BMPR2: variants seen among roughly 807,000 people sequenced by gnomAD.
The protein encoded by BMPR2 is bone morphogenetic protein receptor type 2.
BMPR2 carries 29 observed loss-of-function variants against 100.8 expected under a neutral mutation model. The observed-to-expected ratio is 0.29, with a 90% CI of 0.21 to 0.39. The LOEUF is 0.39. Among genes scored for constraint, BMPR2 ranks in the 10% least tolerant of loss-of-function variants. BMPR2 has a pLI of 1.00. For synonymous variants in BMPR2, 382 were observed against 442.3 expected (o/e 0.86, Z 1.71); for missense variants, 1,011 against 1,274.5 (o/e 0.79, Z 3.15).
At chr2:202,550,195 C>T (rs534081519) in intron 10 of BMPR2, among the ~76,000 whole-genome samples, 22 of 152,056 alleles carry the variant, frequency 1.4e-4, no homozygotes, top group African/African-American at 5.1e-4. Flanking sequence ...TGGTGAAACC[C>T]CATCTCTACT....
intron 10 of BMPR2, among the ~76,000 whole-genome samples, chr2:202,545,895 G>C (rs533271232): frequency 1.3e-5 from 2 of 152,274 alleles, no homozygotes; most frequent in South Asian, 4.1e-4. Flanking sequence ...ATTAATTAGA[G>C]GTGCCAGCCT....
chr2:202,527,381 G>A (rs1254810053), intron 7 of BMPR2, among the ~76,000 whole-genome samples: 1 of 151,834 alleles, frequency 6.6e-6, no homozygotes, highest in East Asian at 2.0e-4. Context: ...CCAGCTACTC[G>A]GTAGGCTGAG....
At chr2:202,377,986 C>T (rs1021594342) in intron 1 of BMPR2, among the ~76,000 whole-genome samples, 1 of 152,198 alleles carries the variant, frequency 6.6e-6, no homozygotes, top group Non-Finnish European at 1.5e-5. Flanking sequence ...AGAGAACACA[C>T]ACTTGAACCT....
In BMPR2 at chr2:202,376,639, C is replaced by A. The variant is rs1690152055; in HGVS notation, c.-836C>A. Among the ~76,000 whole-genome samples the A allele has an allele frequency of 2.7e-5, 4 of 145,806 alleles. No individual in the cohort carries two copies. The South Asian group carries it at 1.0e-3, about 37-fold the overall frequency. On this transcript the variant is annotated 5_prime_UTR_variant, in exon 1 of 13. Coordinates refer to ENST00000374580, the MANE Select transcript of BMPR2 (RefSeq NM_001204.7). Reference sequence around the variant, plus strand: ...CTTTCTTGGTGGAATTTACCTCAGGCAAGATCGAGCCGCAGGAATAAAAAG... The same window carrying A: ...CTTTCTTGGTGGAATTTACCTCAGGAAAGATCGAGCCGCAGGAATAAAAAG...
rs777251043 is a variant in BMPR2, at chr2:202,414,084, ACT to A, written c.76+36537_76+36538del. On this transcript the variant is annotated intron_variant, in intron 1 of 12. Transcript: ENST00000374580. ...TTGAACAAATTGAGGGTTTGGGGTAACTCTGCATCAAGCAAGTCACTCAACAC... is the reference window on the plus strand; with the variant it reads ...TTGAACAAATTGAGGGTTTGGGGTAACTGCATCAAGCAAGTCACTCAACAC... Among the ~76,000 whole-genome samples, 8 of 152,296 alleles carry A rather than the reference ACT, an allele frequency of 5.3e-5. No individual in the cohort carries two copies. In the South Asian group the frequency reaches 1.2e-3, roughly 24 times the overall value.
intron 9 of BMPR2, among the ~76,000 whole-genome samples, chr2:202,534,994 G>GGCCGGGCGGGTGGCTGACCCCC (rs1297426928): frequency 0.18 from 2,513 of 14,214 alleles, 1,044 homozygotes; most frequent in East Asian, 0.39. Context: ...CTGACCCCCT[G>GGCCGGGCGGGTGGCTGACCCCC]CCACCTCCCT....
intron 1 of BMPR2, among the ~76,000 whole-genome samples, chr2:202,378,611 CTTT>C: frequency 6.6e-6 from 1 of 152,130 alleles, no homozygotes; most frequent in South Asian, 2.1e-4. Context: ...TTGAAGTTTC[CTTT>C]TATGCTTTTG....
intron 1 of BMPR2, among the ~76,000 whole-genome samples, chr2:202,442,867 C>G (rs1233582146): frequency 6.6e-6 from 1 of 150,496 alleles, no homozygotes; most frequent in Non-Finnish European, 1.5e-5. Context: ...AAGTTGCTTC[C>G]ACCTCTTGCC....
intron 1 of BMPR2, among the ~76,000 whole-genome samples, chr2:202,456,156 G>GT (rs376530955): frequency 8.4e-4 from 116 of 138,684 alleles, no homozygotes; most frequent in African/African-American, 2.7e-3. Context: ...AGGACACTAT[G>GT]TTTTTTTGTT....
chr2:202,402,431 C>T (rs955942438), intron 1 of BMPR2, among the ~76,000 whole-genome samples: 2 of 152,006 alleles, frequency 1.3e-5, no homozygotes, highest in Non-Finnish European at 2.9e-5. Context: ...GCAGGAGAAT[C>T]GCTTGAACCC....
rs562474572 is a variant in BMPR2, at chr2:202,433,780, C to T, written c.77-31029C>T. Among the ~76,000 whole-genome samples, 12 of 150,362 alleles carry T rather than the reference C, an allele frequency of 8.0e-5. No individual in the cohort carries two copies. The East Asian group carries it at 1.5e-3, about 19-fold the overall frequency. ...AAAATTAGCTGGGTGTGGTGGCGTG[C>T]GCCTGTAGTCCCAGCTGCTCGGGAG... On this transcript the variant is annotated intron_variant, in intron 1 of 12. Coordinates refer to ENST00000374580, the MANE Select transcript of BMPR2 (RefSeq NM_001204.7).
intron 1 of BMPR2, among the ~76,000 whole-genome samples, chr2:202,377,803 T>C (rs928116357): frequency 2.0e-5 from 3 of 152,358 alleles, no homozygotes; most frequent in South Asian, 4.2e-4. Flanking sequence ...AAAAGACATA[T>C]TGGGTGTGGT....
intron 3 of BMPR2, among the ~76,000 whole-genome samples, chr2:202,481,700 A>G (rs193242826): frequency 1.3e-5 from 2 of 152,240 alleles, no homozygotes; most frequent in East Asian, 3.9e-4. Context: ...TTTATAGTTT[A>G]CTCAGTGTAC....
chr2:202,433,701 A>G (rs1429701871), intron 1 of BMPR2, among the ~76,000 whole-genome samples: 1 of 150,398 alleles, frequency 6.6e-6, no homozygotes. Flanking sequence ...CGAGGTCAAG[A>G]GATCAAGACC....
chr2:202,533,581 T>C (rs1688068140), intron 9 of BMPR2, among the ~76,000 whole-genome samples: 1 of 151,312 alleles, frequency 6.6e-6, no homozygotes, highest in Non-Finnish European at 1.5e-5. Context: ...TCCCAGCACT[T>C]TGGGAGGCCA....
At chr2:202,491,366 T>A (rs952874650) in intron 3 of BMPR2, among the ~76,000 whole-genome samples, 31 of 152,230 alleles carry the variant, frequency 2.0e-4, no homozygotes, top group African/African-American at 7.2e-4. Context: ...CCACCCTACC[T>A]CTTTATTCCC....
rs566256144 is a variant in BMPR2, at chr2:202,445,975, C to T, written c.77-18834C>T. Among the ~76,000 whole-genome samples the T allele has an allele frequency of 2.7e-3, 398 of 149,844 alleles. 3 individuals are homozygous for T. The highest frequency in any genetic ancestry group is 4.5e-3 in the Non-Finnish European group (305 of 67,954). On this transcript the variant is annotated intron_variant, in intron 1 of 12. Coordinates refer to ENST00000374580, the MANE Select transcript of BMPR2 (RefSeq NM_001204.7). ...ATTTTTAGTAGAGATGGGGTTTCACCGTGTTAGCCAGGATGGTCTTGATCT... is the reference window on the plus strand; with the variant it reads ...ATTTTTAGTAGAGATGGGGTTTCACTGTGTTAGCCAGGATGGTCTTGATCT...
intron 1 of BMPR2, among the ~76,000 whole-genome samples, chr2:202,405,709 AAAGC>A (rs1241631189): frequency 2.0e-5 from 3 of 151,446 alleles, no homozygotes; most frequent in Non-Finnish European, 4.4e-5. Context: ...AAAAAAAAAA[AAAGC>A]AGGGAAAATG....
intron 1 of BMPR2, among the ~76,000 whole-genome samples, chr2:202,445,688 G>A (rs1691834997): frequency 6.7e-6 from 1 of 150,194 alleles, no homozygotes; most frequent in Admixed American, 6.6e-5. Flanking sequence ...TCAAACTCCT[G>A]GGCTCAAGTG....
Sources: gnomAD v4.1 joint callset for allele counts (sites outside exome capture counted in the v4.1 genomes callset) on GRCh38, gnomAD v4.1.1 for gene constraint, MANE v1.5 for transcripts, NCBI Gene and HGNC (gene_info 2026-07-23, HGNC 2026-07-21) for gene names.